Variants in SBNO1 observed in about 807,000 individuals in gnomAD.
The protein encoded by SBNO1 is protein strawberry notch homolog 1.
SBNO1 carries 23 observed loss-of-function variants against 173.6 expected under a neutral mutation model. The ratio of observed to expected loss-of-function variants is 0.13; its 90% CI spans 0.10 to 0.19. The LOEUF is 0.19. SBNO1 is among the 10% of genes least tolerant of loss of function. The pLI is 1.00. For synonymous variants in SBNO1, 632 were observed against 571.5 expected, an observed-to-expected ratio of 1.11 and a Z score of -1.51; for missense variants, 1,238 against 1,671.2, an observed-to-expected ratio of 0.74 and a Z score of 4.52.
intron 1 of SBNO1, 97 bp from the exon 2 acceptor site, chr12:123,350,538 C>T (rs192260925): frequency 1.9e-4 from 188 of 973,010 alleles, no homozygotes; most frequent in Non-Finnish European, 1.1e-4. Flanking sequence ...TCTATTAGAC[C>T]CATTCATTCA....
chr12:123,312,940 A>G (rs952959896), intron 24 of SBNO1, among the ~76,000 whole-genome samples: 2 of 152,072 alleles, frequency 1.3e-5, no homozygotes, highest in African/African-American at 4.8e-5. Flanking sequence ...ACGGTAGCTC[A>G]TGCCTGTTAA....
chr12:123,296,815 T>G (rs893123772), intron 31 of SBNO1, among the ~76,000 whole-genome samples: 48 of 151,794 alleles, frequency 3.2e-4, no homozygotes, highest in Admixed American at 3.0e-3. Context: ...TGCCTCGGCC[T>G]CCCAAAGTGC....
At chr12:123,312,081 C>CTTTTTTTTTTTTTTTT (rs71765792) in intron 24 of SBNO1, among the ~76,000 whole-genome samples, 1 of 144,408 alleles carries the variant, frequency 6.9e-6, no homozygotes. Context: ...ATCAAGGAAT[C>CTTTTTTTTTTTTTTTT]TTTTTTTTTT....
At chr12:123,297,350 A>ATTCCATAG (rs2048635529) in intron 31 of SBNO1, among the ~76,000 whole-genome samples, 2 of 133,014 alleles carry the variant, frequency 1.5e-5, no homozygotes, top group East Asian at 3.4e-4. Context: ...AAAAAAAAAA[A>ATTCCATAG]AATTCATTAA....
intron 20 of SBNO1, among the ~76,000 whole-genome samples, chr12:123,318,083 T>G (rs1226513113): frequency 2.0e-5 from 3 of 152,182 alleles, no homozygotes; most frequent in East Asian, 3.8e-4. Flanking sequence ...CACCTCAGCC[T>G]CCTCAGTAGC....
intron 5 of SBNO1, among the ~76,000 whole-genome samples, chr12:123,338,547 G>A (rs866073927): frequency 2.6e-5 from 4 of 151,934 alleles, no homozygotes; most frequent in Admixed American, 1.3e-4. Context: ...TTAGCAGGGC[G>A]TAGTGGCGGG....
chr12:123,359,515 C>T (rs1221131987), intron 1 of SBNO1, among the ~76,000 whole-genome samples: 3 of 147,256 alleles, frequency 2.0e-5, no homozygotes, highest in African/African-American at 2.5e-5. Flanking sequence ...AGATCGCACT[C>T]GTGCACTCCA....
chr12:123,300,576 T>C (rs2048753406), intron 30 of SBNO1, among the ~76,000 whole-genome samples: 1 of 152,072 alleles, frequency 6.6e-6, no homozygotes, highest in Non-Finnish European at 1.5e-5. Context: ...AAGAATGCCG[T>C]GAACCTGGGA....
intron 16 of SBNO1, among the ~76,000 whole-genome samples, chr12:123,322,691 A>C (rs1870128930): frequency 6.7e-6 from 1 of 150,002 alleles, no homozygotes; most frequent in South Asian, 2.2e-4. Flanking sequence ...GCATTGCTTA[A>C]GCTCAGGAGT....
In SBNO1 at chr12:123,342,010, T is replaced by C. The variant is rs1872621332; in HGVS notation, c.551-922A>G. Among the ~76,000 whole-genome samples, 3 of 149,910 alleles carry C rather than the reference T, an allele frequency of 2.0e-5. No individual in the cohort carries two copies. The Admixed American group carries it at 2.0e-4, about 10-fold the overall frequency. On this transcript the variant is annotated intron_variant, in intron 4 of 31. Transcript: ENST00000602398. Reference sequence around the variant, plus strand: ...CTTTGAGACACTTCATTTGACTCATTAAAAATAAACAAGGCCGGCGCAGTG... The same window carrying C: ...CTTTGAGACACTTCATTTGACTCATCAAAAATAAACAAGGCCGGCGCAGTG...
At chr12:123,364,193 A>G in intron 1 of SBNO1, 1 of 985,532 alleles carries the variant, frequency 1.0e-6, no homozygotes, top group Non-Finnish European at 1.2e-6. Flanking sequence ...TGTGGGGTTC[A>G]GATTTAGGAA....
At chr12:123,328,286 A>T (rs142002459) in intron 10 of SBNO1, among the ~76,000 whole-genome samples, 1 of 152,226 alleles carries the variant, frequency 6.6e-6, no homozygotes, top group African/African-American at 2.4e-5. Context: ...TGCAGCAAGA[A>T]GTTGTTATCT....
chr12:123,359,057 C>A (rs1593424929), intron 1 of SBNO1, among the ~76,000 whole-genome samples: 1 of 151,772 alleles, frequency 6.6e-6, no homozygotes, highest in East Asian at 2.0e-4. Flanking sequence ...CTCAGCCTCC[C>A]CAGTAGCTGG....
rs2048531463 is a variant in SBNO1, at chr12:123,292,793, T to C, written c.*3115A>G. ...CATGTAAAGAGAAGATACTGAAGTG[T>C]CTAACTGTAATTTAGCAGCAGAAAA... On this transcript the variant is annotated 3_prime_UTR_variant, in exon 32 of 32. Coordinates refer to ENST00000602398, the MANE Select transcript of SBNO1 (RefSeq NM_001167856.3). 5.3e-5 allele frequency: 8 copies of C among 152,228 alleles called. No homozygotes were observed. In the South Asian group the frequency reaches 1.7e-3, roughly 31 times the overall value. 9.4% of individuals were successfully genotyped at this position (152,228 alleles called of 1,614,324 possible).
intron 4 of SBNO1, among the ~76,000 whole-genome samples, chr12:123,341,974 A>C (rs1391581749): frequency 2.0e-5 from 3 of 150,916 alleles, no homozygotes; most frequent in Non-Finnish European, 4.4e-5. Context: ...GATACCCAAA[A>C]GCCAGCATTA....
chr12:123,314,192 G>C (rs1266152986), intron 23 of SBNO1, among the ~76,000 whole-genome samples: 1 of 151,942 alleles, frequency 6.6e-6, no homozygotes, highest in African/African-American at 2.4e-5. Context: ...TTTGGAGACA[G>C]AGTTTTGCTC....
At chr12:123,364,130 G>C in intron 1 of SBNO1, 4 of 985,538 alleles carry the variant, frequency 4.1e-6, no homozygotes, top group Non-Finnish European at 4.8e-6. Context: ...GCCTGCACGT[G>C]TCCCCCGCGG....
chr12:123,331,615 G>A (rs1871217935), intron 7 of SBNO1, among the ~76,000 whole-genome samples: 1 of 151,672 alleles, frequency 6.6e-6, no homozygotes, highest in Non-Finnish European at 1.5e-5. Context: ...TCTGCCTCCC[G>A]GGTTCACACC....
intron 9 of SBNO1, among the ~76,000 whole-genome samples, chr12:123,329,630 T>C (rs945190631): frequency 1.3e-5 from 2 of 152,166 alleles, no homozygotes; most frequent in African/African-American, 2.4e-5. Flanking sequence ...TACATCCTTT[T>C]AGTTCTGAAT....
Sources: gnomAD v4.1 joint callset for allele counts (sites outside exome capture counted in the v4.1 genomes callset) on GRCh38, gnomAD v4.1.1 for gene constraint, MANE v1.5 for transcripts, NCBI Gene and HGNC (gene_info 2026-07-23, HGNC 2026-07-21) for gene names.